ANKS1B: variants seen among roughly 807,000 people sequenced by gnomAD.
ANKS1B encodes ankyrin repeat and sterile alpha motif domain-containing protein 1B.
ANKS1B carries 36 observed loss-of-function variants against 148.3 expected under a neutral mutation model. The ratio of observed to expected loss-of-function variants is 0.24; its 90% CI spans 0.19 to 0.32. The LOEUF (loss-of-function observed/expected upper bound fraction) is 0.32, where lower values mean the gene tolerates loss of function less well. ANKS1B is among the 10% of genes least tolerant of loss of function. The pLI is 1.00. For synonymous variants in ANKS1B, 542 were observed against 560.8 expected (o/e 0.97, Z 0.47); for missense variants, 1,157 against 1,542.6 (o/e 0.75, Z 4.19).
At chr12:99,259,469 T>C (rs553902129) in intron 12 of ANKS1B, among the ~76,000 whole-genome samples, 1 of 152,360 alleles carries the variant, frequency 6.6e-6, no homozygotes, top group East Asian at 1.9e-4. Flanking sequence ...AGCCAGAGAA[T>C]GCTGACATTC....
intron 6 of ANKS1B, among the ~76,000 whole-genome samples, chr12:99,778,156 C>T (rs1392167230): frequency 2.6e-5 from 4 of 151,350 alleles, no homozygotes; most frequent in South Asian, 2.1e-4. Context: ...GCCCAGAGGG[C>T]GCCACTGCAC....
intron 9 of ANKS1B, among the ~76,000 whole-genome samples, chr12:99,526,087 T>C (rs2096923720): frequency 6.6e-6 from 1 of 152,178 alleles, no homozygotes; most frequent in Non-Finnish European, 1.5e-5. Flanking sequence ...TAATTAAATA[T>C]ATGTACATGA....
chr12:99,829,660 A>G (rs980723668), intron 1 of ANKS1B, among the ~76,000 whole-genome samples: 5 of 151,862 alleles, frequency 3.3e-5, no homozygotes, highest in African/African-American at 9.7e-5. Context: ...AAAACAAACA[A>G]ACAAACAAAA....
intron 1 of ANKS1B, among the ~76,000 whole-genome samples, chr12:99,973,527 A>T (rs1467562304): frequency 6.6e-6 from 1 of 152,240 alleles, no homozygotes; most frequent in African/African-American, 2.4e-5. Flanking sequence ...TGCAGTGAGC[A>T]CAGTGATCAT....
chr12:98,763,314 A>G (rs769477978), intron 25 of ANKS1B, among the ~76,000 whole-genome samples: 6 of 152,210 alleles, frequency 3.9e-5, no homozygotes, highest in Non-Finnish European at 5.9e-5. Flanking sequence ...TAGTTCTCTC[A>G]AGTACCAGCC....
chr12:99,560,089 T>C (rs947376332), intron 9 of ANKS1B, among the ~76,000 whole-genome samples: 5 of 152,176 alleles, frequency 3.3e-5, no homozygotes, highest in African/African-American at 1.2e-4. Context: ...GTAATACAGC[T>C]GAGGTACACC....
intron 17 of ANKS1B, among the ~76,000 whole-genome samples, chr12:98,864,788 GC>G (rs1349454935): frequency 2.6e-5 from 4 of 152,118 alleles, no homozygotes; most frequent in African/African-American, 4.8e-5. Flanking sequence ...ATAATTGCCT[GC>G]CTCTTTCCAT....
chr12:98,745,943 C>T lies in ANKS1B; in HGVS notation c.3748-94G>A, dbSNP rs2097875812. On this transcript the variant is annotated intron_variant, in intron 26 of 26. Transcript: ENST00000683438. ...GCTGGCGAACCCACGCGAGGCCCCT[C>T]GCCCCAGGCGCGGGGCGGCGATGCT... The T allele has an allele frequency of 2.2e-6, 3 of 1,360,294 alleles. No homozygotes were observed. In the South Asian group the frequency reaches 4.4e-5, roughly 20 times the overall value. 84.3% of individuals were successfully genotyped at this position (1,360,294 alleles called of 1,614,324 possible). A position where few individuals can be genotyped will look rare whatever the true frequency, so the allele number is the denominator to read the frequency against.
At chr12:99,028,984 A>T (rs1383680448) in intron 17 of ANKS1B, among the ~76,000 whole-genome samples, 1 of 152,198 alleles carries the variant, frequency 6.6e-6, no homozygotes, top group East Asian at 1.9e-4. Context: ...ACTGCAACCA[A>T]GTTCATTAAT....
At chr12:99,101,951 T>C (rs1293115492) in intron 15 of ANKS1B, among the ~76,000 whole-genome samples, 1 of 151,756 alleles carries the variant, frequency 6.6e-6, no homozygotes, top group Non-Finnish European at 1.5e-5. Flanking sequence ...GAGGCTGAAG[T>C]TTGGGGAGAG....
chr12:99,547,337 G>A (rs529276269), intron 9 of ANKS1B, among the ~76,000 whole-genome samples: 2 of 152,070 alleles, frequency 1.3e-5, no homozygotes, highest in African/African-American at 4.8e-5. Flanking sequence ...TTTTATTTTG[G>A]TATAAAATAT....
At chr12:98,874,037 G>C (rs951459276) in intron 17 of ANKS1B, among the ~76,000 whole-genome samples, 3 of 152,080 alleles carry the variant, frequency 2.0e-5, no homozygotes, top group Non-Finnish European at 4.4e-5. Context: ...CAGATAATGG[G>C]CCATTATCTG....
chr12:99,070,928 G>T (rs2046072748), intron 16 of ANKS1B, among the ~76,000 whole-genome samples: 2 of 152,174 alleles, frequency 1.3e-5, no homozygotes, highest in African/African-American at 4.8e-5. Flanking sequence ...GCCTCCCAAA[G>T]TGCTAGGATT....
chr12:99,566,996 T>G (rs1451830384), intron 9 of ANKS1B, among the ~76,000 whole-genome samples: 1 of 152,142 alleles, frequency 6.6e-6, no homozygotes, highest in Non-Finnish European at 1.5e-5. Context: ...AAAACAACAC[T>G]CAGTCAGTTT....
rs138927134 is a variant in ANKS1B, at chr12:99,487,914, CAT to C, written c.1438+16560_1438+16561del. 9.9e-3 allele frequency among the ~76,000 whole-genome samples: 1,500 copies of C among 152,192 alleles called. 23 individuals carry two copies. Among genetic ancestry groups the C allele is most frequent in the African/African-American group, 0.031 (1,300 of 41,524 alleles). On this transcript the variant is annotated intron_variant, in intron 10 of 26. Transcript: ENST00000683438. Reference sequence around the variant, plus strand: ...TGTCAATATTCTGAATGAAACATGACATATTAAAATCTTGCAAATATTGTAGA... The same window carrying C: ...TGTCAATATTCTGAATGAAACATGACATTAAAATCTTGCAAATATTGTAGA...
chr12:98,980,667 C>A (rs903200374), intron 17 of ANKS1B, among the ~76,000 whole-genome samples: 1 of 152,128 alleles, frequency 6.6e-6, no homozygotes, highest in Non-Finnish European at 1.5e-5. Flanking sequence ...AATGCCAGGT[C>A]ATCTGGATTT....
At chr12:99,857,701 G>A (rs1380871671) in intron 1 of ANKS1B, among the ~76,000 whole-genome samples, 4 of 152,104 alleles carry the variant, frequency 2.6e-5, no homozygotes, top group Admixed American at 2.6e-4. Flanking sequence ...ATAAGCCAAT[G>A]GAACAGAATA....
chr12:98,745,483 A>C lies in ANKS1B; in HGVS notation c.*256T>G, dbSNP rs576396326. On this transcript the variant is annotated 3_prime_UTR_variant, in exon 27 of 27. Coordinates refer to ENST00000683438, the MANE Select transcript of ANKS1B (RefSeq NM_001352186.2). Reference sequence around the variant, plus strand: ...AGAAATACCTTGGGAGGTGGTGGGGAGGGGAGTCGGGAGCATCAGGGAAAA... The same window carrying C: ...AGAAATACCTTGGGAGGTGGTGGGGCGGGGAGTCGGGAGCATCAGGGAAAA... The C allele has an allele frequency of 9.5e-4, 1,053 of 1,104,456 alleles. No homozygotes were observed. Among genetic ancestry groups the C allele is most frequent in the Non-Finnish European group, 1.0e-3 (951 of 908,812 alleles). The allele number at this position is 1,104,456 out of a possible 1,614,324, so 68.4% of individuals were successfully genotyped here. A position where few individuals can be genotyped will look rare whatever the true frequency, so the allele number is the denominator to read the frequency against.
chr12:98,875,033 C>T (rs764985545), intron 17 of ANKS1B, among the ~76,000 whole-genome samples: 1 of 152,136 alleles, frequency 6.6e-6, no homozygotes, highest in African/African-American at 2.4e-5. Flanking sequence ...GTGTAACTTC[C>T]TATAATGACA....
Sources: allele counts gnomAD v4.1 joint callset (sites outside exome capture counted in the v4.1 genomes callset), GRCh38; gene constraint gnomAD v4.1.1; transcripts MANE v1.5; gene names NCBI Gene and HGNC (gene_info 2026-07-23, HGNC 2026-07-21).